Variants in MGAT5 observed in about 807,000 individuals in gnomAD.
MGAT5 encodes the protein alpha-1,6-mannosylglycoprotein 6-beta-N-acetylglucosaminyltransferase A.
Under a neutral mutation model 94.3 loss-of-function variants are expected in MGAT5, and 30 were observed. The observed-to-expected ratio is 0.32, with a 90% confidence interval of 0.24 to 0.43. The LOEUF is 0.43. Ranked by LOEUF, MGAT5 falls within the 20% of genes least tolerant of loss-of-function variation. The probability of loss-of-function intolerance (pLI) is 1.00; values close to 1 mark genes in which losing one functional copy is unlikely to be tolerated. For missense variants in MGAT5, 691 were observed against 905.5 expected (o/e 0.76, Z 3.04); for synonymous variants, 310 against 322.9 (o/e 0.96, Z 0.43).
chr2:134,416,765 A>AT (rs10548586), intron 12 of MGAT5, among the ~76,000 whole-genome samples: 3,775 of 130,624 alleles, frequency 0.029, 93 homozygotes, highest in Middle Eastern at 0.089. Flanking sequence ...CAGCTAATTA[A>AT]TTTTTTTTTT....
chr2:134,121,797 C>T (rs1685604954), intron 1 of MGAT5, among the ~76,000 whole-genome samples: 1 of 152,116 alleles, frequency 6.6e-6, no homozygotes, highest in Non-Finnish European at 1.5e-5. Flanking sequence ...TGAACTGACC[C>T]CCACCCCCAG....
chr2:134,141,667 T>A (rs1686662567), intron 1 of MGAT5, among the ~76,000 whole-genome samples: 1 of 152,212 alleles, frequency 6.6e-6, no homozygotes, highest in Non-Finnish European at 1.5e-5. Context: ...CAGAAAAGGC[T>A]TCCTTGAGGT....
chr2:134,225,201 A>G (rs1681000251), intron 1 of MGAT5, among the ~76,000 whole-genome samples: 1 of 151,756 alleles, frequency 6.6e-6, no homozygotes, highest in African/African-American at 2.4e-5. Context: ...TGTGGTGTCC[A>G]CTGCAAGGAA....
intron 11 of MGAT5, among the ~76,000 whole-genome samples, chr2:134,403,853 C>A (rs1207652542): frequency 6.6e-6 from 1 of 152,194 alleles, no homozygotes; most frequent in African/African-American, 2.4e-5. Context: ...AGAGTTCACA[C>A]CATGTGGTGG....
chr2:134,337,138 C>G (rs1688380013), intron 5 of MGAT5, among the ~76,000 whole-genome samples: 1 of 152,214 alleles, frequency 6.6e-6, no homozygotes, highest in African/African-American at 2.4e-5. Context: ...GTTTGCTGTT[C>G]CATGCTGTAA....
chr2:134,357,314 C>T (rs530677526), intron 9 of MGAT5, among the ~76,000 whole-genome samples: 1 of 152,288 alleles, frequency 6.6e-6, no homozygotes, highest in South Asian at 2.1e-4. Flanking sequence ...GGCATTCAGA[C>T]CATAATGATT....
chr2:134,393,178 A>G lies in MGAT5; in HGVS notation c.1381-9810A>G, dbSNP rs528265011. ...TTTGGGAACTTGCCGAAGTCCCATA[A>G]GAAGTTAGTCAGAGAACTGGAATAA... is the stretch of plus-strand genomic sequence containing the variant. On this transcript the variant is annotated intron_variant, in intron 10 of 15. Coordinates refer to ENST00000281923, the MANE Select transcript of MGAT5 (RefSeq NM_002410.5). Among the ~76,000 whole-genome samples, 65 of 152,368 alleles carry G rather than the reference A, an allele frequency of 4.3e-4. No individual in the cohort carries two copies. In the South Asian group the frequency reaches 0.013, roughly 30 times the overall value.
At chr2:134,314,357 G>A (rs7575818) in intron 2 of MGAT5, among the ~76,000 whole-genome samples, 92,992 of 152,126 alleles carry the variant, frequency 0.61, 30,273 homozygotes, top group Non-Finnish European at 0.71. Context: ...ACCAGTTTGA[G>A]GAAGAGGAAA....
At chr2:134,366,830 C>T (rs571981466) in intron 10 of MGAT5, among the ~76,000 whole-genome samples, 10 of 152,334 alleles carry the variant, frequency 6.6e-5, no homozygotes, top group African/African-American at 1.9e-4. Flanking sequence ...CTGACCAATT[C>T]GCAAATAAAT....
chr2:134,307,014 A>G (rs1208084708), intron 2 of MGAT5, among the ~76,000 whole-genome samples: 1 of 152,176 alleles, frequency 6.6e-6, no homozygotes, highest in Non-Finnish European at 1.5e-5. Flanking sequence ...TGGTGGCCAG[A>G]TAGTATCTTA....
At chr2:134,344,516 C>T (rs78173156) in intron 7 of MGAT5, among the ~76,000 whole-genome samples, 37 of 152,024 alleles carry the variant, frequency 2.4e-4, no homozygotes, top group African/African-American at 7.7e-4. Context: ...TCATTAGGCA[C>T]TTTCTTTTCA....
chr2:134,249,232 T>A (rs1197565943), upstream of MGAT5, among the ~76,000 whole-genome samples: 3 of 151,564 alleles, frequency 2.0e-5, no homozygotes, highest in Non-Finnish European at 4.4e-5. Context: ...TTTTTTTTTT[T>A]AACAGTTTTT....
chr2:134,204,211 T>A (rs1174702342), intron 1 of MGAT5, among the ~76,000 whole-genome samples: 1 of 152,198 alleles, frequency 6.6e-6, no homozygotes, highest in African/African-American at 2.4e-5. Flanking sequence ...TTGACAGCTC[T>A]CCCACCCTTT....
At chr2:134,367,412 C>G (rs577899010) in intron 10 of MGAT5, among the ~76,000 whole-genome samples, 2 of 152,316 alleles carry the variant, frequency 1.3e-5, no homozygotes, top group East Asian at 3.9e-4. Flanking sequence ...CAAATCTAGC[C>G]CAACATCTGT....
chr2:134,324,497 A>T (rs1347940973), intron 4 of MGAT5, among the ~76,000 whole-genome samples: 3 of 152,176 alleles, frequency 2.0e-5, no homozygotes, highest in Non-Finnish European at 4.4e-5. Flanking sequence ...TAAATTCAGC[A>T]TACTTAATCC....
At chr2:134,334,946 G>A (rs577206418) in intron 4 of MGAT5, among the ~76,000 whole-genome samples, 53 of 152,170 alleles carry the variant, frequency 3.5e-4, no homozygotes, top group African/African-American at 1.1e-3. Context: ...ATTTTATCCC[G>A]TAAGAAGATA....
In MGAT5 at chr2:134,403,139, TA is replaced by T. The variant is rs1442717558; in HGVS notation, c.1530+7del. On this transcript the variant is annotated splice_donor_region_variant and intron_variant, in intron 11 of 15. Transcript: ENST00000281923. ...CAGTTCCTTCTTCGAGAAACCAAGGTAAAAATTCACCACGGATGTGGTGTTC... is the reference window on the plus strand; with the variant it reads ...CAGTTCCTTCTTCGAGAAACCAAGGTAAAATTCACCACGGATGTGGTGTTC... 1 of 1,601,352 alleles carries T rather than the reference TA, an allele frequency of 6.2e-7. No individual in the cohort carries two copies. Among genetic ancestry groups the T allele is most frequent in the Admixed American group, 1.8e-5 (1 of 55,344 alleles).
At chr2:134,119,956 G>A (rs1685483096), upstream of MGAT5, 1 of 152,180 alleles carries the variant, frequency 6.6e-6, no homozygotes, top group Non-Finnish European at 1.5e-5. Flanking sequence ...CCCAGAAGCG[G>A]GGAGAAGTTG....
intron 4 of MGAT5, among the ~76,000 whole-genome samples, chr2:134,328,010 G>A (rs1163986923): frequency 2.6e-5 from 4 of 152,124 alleles, no homozygotes; most frequent in Non-Finnish European, 4.4e-5. Context: ...TGTGCCTAGT[G>A]AGAGTTGCTA....
Sources: gnomAD v4.1 joint callset for allele counts (sites outside exome capture counted in the v4.1 genomes callset) on GRCh38, gnomAD v4.1.1 for gene constraint, MANE v1.5 for transcripts, NCBI Gene and HGNC (gene_info 2026-07-23, HGNC 2026-07-21) for gene names.